Variants in RALGAPA1 observed in about 807,000 individuals in gnomAD.
RALGAPA1 encodes the protein Ral GTPase activating protein catalytic subunit alpha 1.
In RALGAPA1, 52 loss-of-function variants were observed where a neutral mutation model predicts 269.6. The ratio of observed to expected loss-of-function variants is 0.19; its 90% CI spans 0.15 to 0.24. The LOEUF (loss-of-function observed/expected upper bound fraction) is 0.24. Ranked by LOEUF, RALGAPA1 falls within the 10% of genes least tolerant of loss-of-function variation. The probability of loss-of-function intolerance (pLI) is 1.00; values close to 1 mark genes in which losing one functional copy is unlikely to be tolerated. For missense variants in RALGAPA1, 1,917 were observed against 3,013.9 expected (o/e 0.64, Z 8.52); for synonymous variants, 817 against 1,008.3 (o/e 0.81, Z 3.60).
At chr14:35,719,166 T>C (rs903267070) in intron 16 of RALGAPA1, among the ~76,000 whole-genome samples, 12 of 151,988 alleles carry the variant, frequency 7.9e-5, no homozygotes, top group African/African-American at 2.7e-4. Context: ...CCATCTCTAC[T>C]AAAAATACAA....
Position 35,627,310 on chromosome 14 carries a change from C to A in RALGAPA1, c.6637G>T (p.Ala2213Ser). ...QRTGISLNIPAPQPVCISEKQ... is the reference protein window; with the variant it reads ...QRTGISLNIPSPQPVCISEKQ... The stretch of plus-strand genomic sequence containing the variant: ...TCAGAAATGCACACAGGTTGTGGAG[C>A]AGGAATATTAAGTGAGATTCCAGTT... The change falls in exon 34 of 42, where the codon GCT becomes TCT. Residue 2213 changes from alanine to serine, a missense_variant. Transcript: ENST00000680220. 6.2e-7 allele frequency: 1 copy of A among 1,609,758 alleles called. No homozygotes were observed. Among genetic ancestry groups the A allele is most frequent in the South Asian group, 1.1e-5 (1 of 89,806 alleles).
chr14:35,688,287 A>G (rs528591600), intron 18 of RALGAPA1, among the ~76,000 whole-genome samples, 172 bp downstream of exon 18: 1 of 152,348 alleles, frequency 6.6e-6, no homozygotes, highest in South Asian at 2.1e-4. Flanking sequence ...AATTTAAATA[A>G]ACATTCTATG....
rs145805870 is a variant in RALGAPA1 at position 35,615,422 on chromosome 14, T to C, written c.6930-9713A>G. 3.2e-4 allele frequency among the ~76,000 whole-genome samples: 49 copies of C among 152,268 alleles called. 1 individual carries two copies. The highest frequency in any genetic ancestry group is 3.4e-3 in the Middle Eastern group (1 of 294). ...GTCTGTTAACAAAGTAATCTTTCAT[T>C]TTCTCCCGCCCTAGTCCTCCCTAGA... On this transcript the variant is annotated intron_variant, in intron 35 of 41. Coordinates refer to ENST00000680220, the MANE Select transcript of RALGAPA1 (RefSeq NM_001346249.2).
chr14:35,632,494 C>T (rs934732989), intron 33 of RALGAPA1, among the ~76,000 whole-genome samples: 17 of 152,160 alleles, frequency 1.1e-4, no homozygotes, highest in Admixed American at 7.9e-4. Flanking sequence ...CTGCAATTCA[C>T]TGCACTGTAA....
At chr14:35,632,126 A>G (rs1325214503) in intron 33 of RALGAPA1, among the ~76,000 whole-genome samples, 1 of 152,214 alleles carries the variant, frequency 6.6e-6, no homozygotes, top group African/African-American at 2.4e-5. Flanking sequence ...CTGTATATAA[A>G]AGGATAAAAA....
intron 7 of RALGAPA1, among the ~76,000 whole-genome samples, chr14:35,753,471 A>G (rs2072907354): frequency 6.6e-6 from 1 of 152,206 alleles, no homozygotes; most frequent in African/African-American, 2.4e-5. Context: ...AGATAAACAA[A>G]ATACTGTATA....
chr14:35,571,390 T>A (rs980202810), intron 38 of RALGAPA1, among the ~76,000 whole-genome samples: 21 of 136,636 alleles, frequency 1.5e-4, no homozygotes, highest in Admixed American at 2.8e-4. Flanking sequence ...TTTTTTTTTT[T>A]TAATTCTTTA....
intron 16 of RALGAPA1, among the ~76,000 whole-genome samples, chr14:35,702,094 C>T (rs1370405174): frequency 6.6e-6 from 1 of 152,144 alleles, no homozygotes; most frequent in Admixed American, 6.5e-5. Flanking sequence ...CTCAACTTTT[C>T]GAATGCAAGA....
intron 1 of RALGAPA1, among the ~76,000 whole-genome samples, chr14:35,807,055 C>T (rs917296353): frequency 6.6e-6 from 1 of 151,960 alleles, no homozygotes; most frequent in African/African-American, 2.4e-5. Flanking sequence ...AACTCTATGC[C>T]AAAAAAGTAT....
chr14:35,586,092 T>C (rs957445015), intron 37 of RALGAPA1, among the ~76,000 whole-genome samples: 2 of 152,238 alleles, frequency 1.3e-5, no homozygotes, highest in Non-Finnish European at 2.9e-5. Flanking sequence ...GAGCATGGAA[T>C]GTTCTTCTAT....
At chr14:35,780,060 T>G (rs1021367532) in intron 1 of RALGAPA1, among the ~76,000 whole-genome samples, 4 of 151,012 alleles carry the variant, frequency 2.6e-5, no homozygotes, top group Non-Finnish European at 5.9e-5. Flanking sequence ...TGAGTCAAGA[T>G]CGCATCACTG....
intron 27 of RALGAPA1, among the ~76,000 whole-genome samples, chr14:35,660,098 T>C (rs1297063994): frequency 2.0e-5 from 3 of 152,072 alleles, no homozygotes; most frequent in African/African-American, 7.2e-5. Flanking sequence ...AAGGTTTTAC[T>C]TTAAGATTAG....
intron 27 of RALGAPA1, among the ~76,000 whole-genome samples, chr14:35,662,951 G>GAGGA (rs2063645567): frequency 9.4e-6 from 1 of 106,556 alleles, no homozygotes; most frequent in Non-Finnish European, 1.9e-5. Context: ...GGGGGGGTGG[G>GAGGA]ACAAGGTCTT....
At position 35,689,101 on chromosome 14, in the gene RALGAPA1, T is replaced by A. The variant is rs2066245912; in HGVS notation, c.3310A>T (p.Thr1104Ser). The A allele has an allele frequency of 8.1e-7, 1 of 1,235,796 alleles. No homozygotes were observed. Among genetic ancestry groups the A allele is most frequent in the Non-Finnish European group, 1.0e-6 (1 of 990,166 alleles). 76.6% of individuals were successfully genotyped at this position (1,235,796 alleles called of 1,614,324 possible). A position where few individuals can be genotyped will look rare whatever the true frequency, so the allele number is the denominator to read the frequency against. Reference sequence around the variant, plus strand: ...CTGCGGTTAACAGGTGCTTTTAGTGTTGCTTTCTTGGCACGCATAACATGT... The same window carrying A: ...CTGCGGTTAACAGGTGCTTTTAGTGATGCTTTCTTGGCACGCATAACATGT... The part of the protein sequence containing the change: ...VPHVMRAKKA[T>S]LKAPVNRRMP... The change falls in exon 18 of 42, where the codon ACA becomes TCA. Residue 1104 changes from threonine (T) to serine (S), a missense_variant. Thr to Ser is a moderately conservative substitution (Grantham distance 58). Coordinates refer to ENST00000680220, the MANE Select transcript of RALGAPA1 (RefSeq NM_001346249.2).
intron 41 of RALGAPA1, among the ~76,000 whole-genome samples, chr14:35,544,016 C>T (rs1436991305): frequency 6.6e-6 from 1 of 152,170 alleles, no homozygotes; most frequent in Non-Finnish European, 1.5e-5. Context: ...CATTCAAGAA[C>T]TACTAGTATT....
At chr14:35,778,772 T>C (rs2075233782) in intron 1 of RALGAPA1, among the ~76,000 whole-genome samples, 1 of 152,238 alleles carries the variant, frequency 6.6e-6, no homozygotes, top group African/African-American at 2.4e-5. Flanking sequence ...CTCCTGTCTG[T>C]AACACTTACT....
chr14:35,604,802 G>T (rs944720845), intron 36 of RALGAPA1, among the ~76,000 whole-genome samples: 1 of 152,066 alleles, frequency 6.6e-6, no homozygotes, highest in African/African-American at 2.4e-5. Context: ...TATGTAAAAT[G>T]TCTGGTATTA....
intron 40 of RALGAPA1, 91 bp from the exon 41 acceptor site, chr14:35,548,629 C>G (rs2054678843): frequency 1.2e-6 from 1 of 858,324 alleles, no homozygotes; most frequent in East Asian, 2.6e-5. Flanking sequence ...TTACTGATTT[C>G]TTCAAAATTA....
At chr14:35,777,795 C>T (rs532624941) in intron 1 of RALGAPA1, among the ~76,000 whole-genome samples, 9 of 151,932 alleles carry the variant, frequency 5.9e-5, no homozygotes, top group Admixed American at 5.2e-4. Context: ...GTGATCCGCC[C>T]GCCTCAGTCT....
Sources: allele counts gnomAD v4.1 joint callset (sites outside exome capture counted in the v4.1 genomes callset), GRCh38; gene constraint gnomAD v4.1.1; transcripts MANE v1.5; gene names NCBI Gene and HGNC (gene_info 2026-07-23, HGNC 2026-07-21).